UNC5C: variants seen among roughly 807,000 people sequenced by gnomAD.
The protein encoded by UNC5C is netrin receptor UNC5C.
UNC5C carries 47 observed loss-of-function variants against 99.8 expected under a neutral mutation model. The observed-to-expected ratio is 0.47, with a 90% CI of 0.37 to 0.60. The LOEUF (loss-of-function observed/expected upper bound fraction) is 0.60. Ranked by LOEUF, UNC5C falls within the 20% of genes least tolerant of loss-of-function variation. The pLI, the probability that UNC5C is intolerant of heterozygous loss-of-function variation, is 0.00. For missense variants in UNC5C, 1,062 were observed against 1,165.9 expected, an observed-to-expected ratio of 0.91 and a Z score of 1.30; for synonymous variants, 487 against 452.2, an observed-to-expected ratio of 1.08 and a Z score of -0.98.
At chr4:95,323,646 T>G (rs1337499840) in intron 2 of UNC5C, among the ~76,000 whole-genome samples, 1 of 152,188 alleles carries the variant, frequency 6.6e-6, no homozygotes, top group African/African-American at 2.4e-5. Context: ...TGAAAATGTG[T>G]GAGCAGCATT....
chr4:95,543,365 G>T (rs1281284357), intron 1 of UNC5C, among the ~76,000 whole-genome samples: 1 of 152,030 alleles, frequency 6.6e-6, no homozygotes, highest in African/African-American at 2.4e-5. Flanking sequence ...GCAAAGAATG[G>T]CAATAACCAT....
intron 1 of UNC5C, among the ~76,000 whole-genome samples, chr4:95,423,416 C>A (rs1296583043): frequency 6.6e-6 from 1 of 152,232 alleles, no homozygotes; most frequent in Non-Finnish European, 1.5e-5. Context: ...TGCAGTTATA[C>A]TTTAAAAATG....
intron 1 of UNC5C, among the ~76,000 whole-genome samples, chr4:95,337,862 C>T (rs893833266): frequency 6.6e-6 from 1 of 151,920 alleles, no homozygotes; most frequent in Non-Finnish European, 1.5e-5. Flanking sequence ...TCTGCAGAAT[C>T]AATCGTTAAA....
chr4:95,480,161 T>TATAATAAATAATAATAATA (rs1721091166), intron 1 of UNC5C, among the ~76,000 whole-genome samples: 2 of 151,532 alleles, frequency 1.3e-5, no homozygotes, highest in South Asian at 4.2e-4. Flanking sequence ...GCCAATTCCT[T>TATAATAAATAATAATAATA]ATAATAAATA....
At chr4:95,528,290 C>T (rs1722547792) in intron 1 of UNC5C, among the ~76,000 whole-genome samples, 1 of 152,138 alleles carries the variant, frequency 6.6e-6, no homozygotes, top group African/African-American at 2.4e-5. Context: ...CTAAAACTGA[C>T]TTTGAAGTAG....
intron 1 of UNC5C, among the ~76,000 whole-genome samples, chr4:95,347,269 A>T (rs1016699754): frequency 6.6e-6 from 1 of 152,142 alleles, no homozygotes; most frequent in Non-Finnish European, 1.5e-5. Flanking sequence ...GAGGACACAC[A>T]AAAATGGAAA....
At chr4:95,293,429 G>A (rs966315348) in intron 3 of UNC5C, among the ~76,000 whole-genome samples, 2 of 149,406 alleles carry the variant, frequency 1.3e-5, no homozygotes, top group African/African-American at 5.0e-5. Context: ...CAGCCTTCTG[G>A]GCTGACAGTA....
intron 1 of UNC5C, among the ~76,000 whole-genome samples, chr4:95,523,086 G>A (rs182702537): frequency 2.6e-4 from 39 of 152,306 alleles, no homozygotes; most frequent in African/African-American, 9.1e-4. Flanking sequence ...CAGGAAAGGG[G>A]GAGAGTGAGA....
chr4:95,545,102 G>T (rs946733951), intron 1 of UNC5C, among the ~76,000 whole-genome samples: 4 of 152,158 alleles, frequency 2.6e-5, no homozygotes, highest in African/African-American at 4.8e-5. Flanking sequence ...CTTAGGGGGG[G>T]TTGCTTAAAA....
intron 4 of UNC5C, among the ~76,000 whole-genome samples, chr4:95,277,918 T>G (rs1223620721): frequency 6.6e-6 from 1 of 152,164 alleles, no homozygotes; most frequent in Non-Finnish European, 1.5e-5. Context: ...TTTTCGCATA[T>G]CAGCAAGAAC....
intron 1 of UNC5C, among the ~76,000 whole-genome samples, chr4:95,496,316 G>A (rs996809146): frequency 1.3e-5 from 2 of 151,714 alleles, no homozygotes; most frequent in Admixed American, 1.3e-4. Context: ...GACCTAGATT[G>A]GTCAAGAAGA....
intron 7 of UNC5C, chr4:95,222,265 A>G: frequency 6.8e-7 from 1 of 1,467,288 alleles, no homozygotes; most frequent in Non-Finnish European, 9.0e-7. Context: ...GATAAATGAA[A>G]CCTTGAAAAG....
At chr4:95,452,812 A>G (rs1046790606) in intron 1 of UNC5C, among the ~76,000 whole-genome samples, 1 of 152,146 alleles carries the variant, frequency 6.6e-6, no homozygotes, top group Admixed American at 6.5e-5. Flanking sequence ...TCAGACATAC[A>G]ACACAGATCT....
chr4:95,523,599 A>C (rs1313323333), intron 1 of UNC5C, among the ~76,000 whole-genome samples: 1 of 152,196 alleles, frequency 6.6e-6, no homozygotes, highest in Non-Finnish European at 1.5e-5. Context: ...AAATATTAGA[A>C]ATCAATTTTC....
At chr4:95,455,447 T>C (rs892003985) in intron 1 of UNC5C, among the ~76,000 whole-genome samples, 6 of 151,992 alleles carry the variant, frequency 3.9e-5, no homozygotes, top group Admixed American at 6.6e-5. Context: ...GGCAGGAGCA[T>C]TGCTTGCATG....
At chr4:95,477,377 G>T (rs1720955218) in intron 1 of UNC5C, among the ~76,000 whole-genome samples, 1 of 152,014 alleles carries the variant, frequency 6.6e-6, no homozygotes, top group Admixed American at 6.6e-5. Context: ...CAGGCCAAAG[G>T]CTCAAGTAAT....
chr4:95,480,044 C>T (rs1424351564), intron 1 of UNC5C, among the ~76,000 whole-genome samples: 2 of 151,446 alleles, frequency 1.3e-5, no homozygotes, highest in South Asian at 2.1e-4. Flanking sequence ...AATTACACCT[C>T]GGGCCTGTGT....
At chr4:95,307,284 T>C (rs1742094061) in intron 2 of UNC5C, among the ~76,000 whole-genome samples, 1 of 152,108 alleles carries the variant, frequency 6.6e-6, no homozygotes, top group African/African-American at 2.4e-5. Flanking sequence ...ATAAGCAAAC[T>C]ATATAATTTA....
At chr4:95,281,611 G>T (rs182542890) in intron 3 of UNC5C, among the ~76,000 whole-genome samples, 39 of 152,356 alleles carry the variant, frequency 2.6e-4, no homozygotes, top group Admixed American at 5.2e-4. Context: ...ATACCTTGAA[G>T]AAGATGTAGG....
Sources: gnomAD v4.1 joint callset for allele counts (sites outside exome capture counted in the v4.1 genomes callset) on GRCh38, gnomAD v4.1.1 for gene constraint, MANE v1.5 for transcripts, NCBI Gene and HGNC (gene_info 2026-07-23, HGNC 2026-07-21) for gene names.